DLGAP4: variants seen among roughly 807,000 people sequenced by gnomAD.
The protein encoded by DLGAP4 is disks large-associated protein 4.
DLGAP4 carries 18 observed loss-of-function variants against 86.9 expected under a neutral mutation model. The ratio of observed to expected loss-of-function variants is 0.21; its 90% CI spans 0.14 to 0.31. The LOEUF (loss-of-function observed/expected upper bound fraction) is 0.31, where lower values mean the gene tolerates loss of function less well. Among genes scored for constraint, DLGAP4 ranks in the 10% least tolerant of loss-of-function variants. DLGAP4 has a pLI of 1.00. For synonymous variants in DLGAP4, 548 were observed against 574.3 expected, an observed-to-expected ratio of 0.95 and a Z score of 0.65; for missense variants, 1,085 against 1,362.6, an observed-to-expected ratio of 0.80 and a Z score of 3.21.
chr20:36,461,754 C>CGCCCGCCA (rs2034082036), intron 7 of DLGAP4: 1 of 603,980 alleles, frequency 1.7e-6, no homozygotes, highest in South Asian at 6.1e-5. Flanking sequence ...TCCGTCCGCC[C>CGCCCGCCA]GCCCGCCCGC....
intron 1 of DLGAP4, among the ~76,000 whole-genome samples, chr20:36,351,128 C>A (rs1237499599): frequency 6.6e-6 from 1 of 152,242 alleles, no homozygotes; most frequent in Non-Finnish European, 1.5e-5. Flanking sequence ...GGGGGCCCCC[C>A]TGCCTGGCAC....
intron 10 of DLGAP4, among the ~76,000 whole-genome samples, chr20:36,516,668 GAAAAAAA>G (rs747235286): frequency 1.0e-3 from 79 of 77,074 alleles, no homozygotes; most frequent in East Asian, 4.7e-3. Context: ...TCCGTCTCAG[GAAAAAAA>G]AAAAAAAAAA....
intron 2 of DLGAP4, among the ~76,000 whole-genome samples, chr20:36,380,302 T>TG (rs988671667): frequency 2.0e-5 from 3 of 150,866 alleles, no homozygotes; most frequent in African/African-American, 7.3e-5. Flanking sequence ...CCCAGCTACC[T>TG]GGGGGGCTGA....
chr20:36,347,388 C>T (rs1266699214), intron 1 of DLGAP4, among the ~76,000 whole-genome samples: 1 of 151,982 alleles, frequency 6.6e-6, no homozygotes, highest in Non-Finnish European at 1.5e-5. Flanking sequence ...GCAGATGGGG[C>T]CAGATCATGG....
intron 9 of DLGAP4, among the ~76,000 whole-genome samples, chr20:36,499,995 G>T (rs1449040147): frequency 6.6e-6 from 1 of 152,188 alleles, no homozygotes; most frequent in Non-Finnish European, 1.5e-5. Context: ...TCGTGTGTGT[G>T]TGCGTGTGGG....
chr20:36,488,000 G>A (rs1160394853), intron 7 of DLGAP4, among the ~76,000 whole-genome samples: 1 of 152,094 alleles, frequency 6.6e-6, no homozygotes, highest in East Asian at 1.9e-4. Flanking sequence ...GGGAGTTTGA[G>A]ACCAGCCTGG....
In DLGAP4 at chr20:36,352,841, C is replaced by T. The variant is rs978991915; in HGVS notation, c.-303-14204C>T. 5.9e-5 allele frequency among the ~76,000 whole-genome samples: 9 copies of T among 152,044 alleles called. No homozygotes were observed. The East Asian group carries it at 1.5e-3, about 26-fold the overall frequency. On this transcript the variant is annotated intron_variant, in intron 1 of 12. Transcript: ENST00000339266. ...TCTTCAGGCAGGGAGGTGTGGGTGA[C>T]GGGAAGCATGTCTGCTGAACTGAAA...
chr20:36,427,334 C>T (rs891604818), intron 2 of DLGAP4, among the ~76,000 whole-genome samples: 9 of 151,898 alleles, frequency 5.9e-5, no homozygotes, highest in South Asian at 2.1e-4. Context: ...AAAAATTAGC[C>T]GGATGTGGTG....
intron 10 of DLGAP4, among the ~76,000 whole-genome samples, chr20:36,521,274 G>A (rs569366478): frequency 6.6e-6 from 1 of 152,266 alleles, no homozygotes; most frequent in East Asian, 1.9e-4. Context: ...TGATCCCTCT[G>A]ATTTCTCCCA....
rs11905836 is a variant in DLGAP4 at position 36,354,782 on chromosome 20, A to G, written c.-303-12263A>G. Among the ~76,000 whole-genome samples the G allele has an allele frequency of 2.0e-3, 303 of 152,246 alleles. 1 individual carries two copies. The highest frequency in any genetic ancestry group is 7.0e-3 in the African/African-American group (291 of 41,520). On this transcript the variant is annotated intron_variant, in intron 1 of 12. Transcript: ENST00000339266. ...CTCATCTCTTAAAAATGAAAAAAGA[A>G]AAGAAAAAAATTGGCCAGGCGTGGT...
chr20:36,365,943 T>C (rs2030671842), intron 1 of DLGAP4, among the ~76,000 whole-genome samples: 1 of 152,196 alleles, frequency 6.6e-6, no homozygotes, highest in Non-Finnish European at 1.5e-5. Context: ...GCTAGGCTTC[T>C]TCTGTGTCTC....
intron 2 of DLGAP4, among the ~76,000 whole-genome samples, chr20:36,426,358 T>C (rs1258190847): frequency 6.6e-6 from 1 of 152,006 alleles, no homozygotes; most frequent in Non-Finnish European, 1.5e-5. Context: ...CCACTAAAAA[T>C]ACAAAAATTA....
chr20:36,481,004 A>G (rs1210091505), intron 7 of DLGAP4, among the ~76,000 whole-genome samples: 1 of 152,180 alleles, frequency 6.6e-6, no homozygotes, highest in Non-Finnish European at 1.5e-5. Context: ...ACTGTCTCAA[A>G]AAAAAAATGT....
At chr20:36,496,643 T>C in intron 7 of DLGAP4, 62 bp from the exon 8 acceptor site, 2 of 1,546,040 alleles carry the variant, frequency 1.3e-6, no homozygotes, top group Non-Finnish European at 1.8e-6. Context: ...TGGAAGGGGC[T>C]TGAGAGGGTT....
chr20:36,518,135 T>C (rs1204194071), intron 10 of DLGAP4, among the ~76,000 whole-genome samples: 2 of 152,048 alleles, frequency 1.3e-5, no homozygotes, highest in African/African-American at 4.8e-5. Flanking sequence ...GGCAGGAGAA[T>C]TGCTTGAACT....
intron 1 of DLGAP4, among the ~76,000 whole-genome samples, chr20:36,354,882 C>T (rs1278656516): frequency 2.0e-5 from 3 of 152,156 alleles, no homozygotes; most frequent in African/African-American, 7.2e-5. Context: ...TTCAGAGCTA[C>T]AGTGAGCTAT....
intron 1 of DLGAP4, among the ~76,000 whole-genome samples, chr20:36,325,682 A>G (rs1468149615): frequency 6.6e-6 from 1 of 150,572 alleles, no homozygotes; most frequent in Non-Finnish European, 1.5e-5. Context: ...TGACCTGTTT[A>G]TCATTATGAA....
At chr20:36,312,544 T>C (rs1422869691) in intron 1 of DLGAP4, among the ~76,000 whole-genome samples, 2 of 152,142 alleles carry the variant, frequency 1.3e-5, no homozygotes, top group East Asian at 3.8e-4. Flanking sequence ...TTAGAAAGCA[T>C]AAGATGTGGG....
At chr20:36,465,418 C>G (rs916853275) in intron 7 of DLGAP4, 4 of 152,324 alleles carry the variant, frequency 2.6e-5, no homozygotes, top group Admixed American at 2.6e-4. Flanking sequence ...GCTCAGGGGC[C>G]CACAGCCACA....
Sources: allele counts gnomAD v4.1 joint callset (sites outside exome capture counted in the v4.1 genomes callset), GRCh38; gene constraint gnomAD v4.1.1; transcripts MANE v1.5; gene names NCBI Gene and HGNC (gene_info 2026-07-23, HGNC 2026-07-21).